Variants in LRRIQ1 observed in about 807,000 individuals in gnomAD.
LRRIQ1 encodes leucine rich repeats and IQ motif containing 1.
A neutral mutation model predicts 211.9 loss-of-function variants in LRRIQ1; 210 were observed. That is an observed-to-expected ratio of 0.99 (90% CI 0.89 to 1.11). LRRIQ1 has a LOEUF of 1.11. Ranked by LOEUF, LRRIQ1 falls within the 50% of genes most tolerant of loss-of-function variation. The pLI is 0.00. For synonymous variants in LRRIQ1, 699 were observed against 650.1 expected (o/e 1.08, Z -1.14); for missense variants, 2,136 against 1,939.5 (o/e 1.10, Z -1.90).
chr12:85,250,900 T>G (rs192484704), intron 1 of LRRIQ1, among the ~76,000 whole-genome samples: 5,321 of 83,522 alleles, frequency 0.064, 1,225 homozygotes, highest in African/African-American at 0.33. Flanking sequence ...ATATTTTATA[T>G]ATTATATATA....
intron 25 of LRRIQ1, among the ~76,000 whole-genome samples, 170 bp from the exon 26 acceptor site, chr12:85,232,526 G>C (rs1894991243): frequency 6.6e-6 from 1 of 152,066 alleles, no homozygotes; most frequent in Non-Finnish European, 1.5e-5. Flanking sequence ...TTTTAAATTA[G>C]AGAAAGATGT....
At chr12:85,069,114 C>T (rs1305570587) in intron 10 of LRRIQ1, among the ~76,000 whole-genome samples, 10 of 145,104 alleles carry the variant, frequency 6.9e-5, no homozygotes, top group African/African-American at 1.8e-4. Flanking sequence ...CAACAGTCCC[C>T]GGTATGTGAT....
At chr12:85,141,872 T>G (rs2136586731) in intron 19 of LRRIQ1, among the ~76,000 whole-genome samples, 1 of 151,434 alleles carries the variant, frequency 6.6e-6, no homozygotes, top group South Asian at 2.1e-4. Flanking sequence ...ATTTTTGTTT[T>G]TCTATTTTTC....
intron 10 of LRRIQ1, among the ~76,000 whole-genome samples, chr12:85,070,266 T>C (rs12814669): frequency 0.22 from 33,315 of 151,904 alleles, 4,330 homozygotes; most frequent in Admixed American, 0.31. Context: ...CTTGAGTGTT[T>C]GGTGTAGCTG....
At chr12:85,242,641 G>A (rs1220996501) in intron 26 of LRRIQ1, among the ~76,000 whole-genome samples, 1 of 151,842 alleles carries the variant, frequency 6.6e-6, no homozygotes, top group African/African-American at 2.4e-5. Context: ...ACTAAGCAGA[G>A]AATGATGTTT....
In LRRIQ1 at chr12:85,189,496, G is replaced by A. The variant is rs573380949; in HGVS notation, c.4822+28782G>A. On this transcript the variant is annotated intron_variant, in intron 24 of 26. Transcript: ENST00000393217. ...ATTTTTTAAGAAAGGAAGTATTGGG[G>A]AATTATGAGAAATCTTGAAAAGCAA... Among the ~76,000 whole-genome samples the A allele has an allele frequency of 2.7e-3, 417 of 151,990 alleles. 3 individuals carry two copies. The highest frequency in any genetic ancestry group is 5.3e-3 in the Admixed American group (80 of 15,202).
intron 11 of LRRIQ1, among the ~76,000 whole-genome samples, chr12:85,095,653 A>G (rs1418720529): frequency 6.6e-6 from 1 of 152,110 alleles, no homozygotes; most frequent in Non-Finnish European, 1.5e-5. Context: ...TGCATCATGC[A>G]TGAGGTATGG....
intron 24 of LRRIQ1, among the ~76,000 whole-genome samples, chr12:85,197,140 A>T (rs1257522179): frequency 1.3e-5 from 2 of 152,312 alleles, no homozygotes; most frequent in African/African-American, 4.8e-5. Context: ...ACCATCTCAC[A>T]CCAGTTTGAA....
At chr12:85,186,793 C>G (rs1892248716) in intron 24 of LRRIQ1, among the ~76,000 whole-genome samples, 2 of 151,582 alleles carry the variant, frequency 1.3e-5, no homozygotes, top group East Asian at 1.9e-4. Context: ...ATACCTTTGC[C>G]TGCCTCAGAG....
intron 11 of LRRIQ1, among the ~76,000 whole-genome samples, chr12:85,077,987 CAA>C (rs113365373): frequency 5.5e-4 from 79 of 144,304 alleles, no homozygotes; most frequent in Admixed American, 6.9e-4. Flanking sequence ...GACCCTGTCT[CAA>C]AAAAAAAAAA....
At chr12:85,152,959 T>G in intron 20 of LRRIQ1, 65 bp from the exon 21 acceptor site, 1 of 1,255,240 alleles carries the variant, frequency 8.0e-7, no homozygotes, top group Non-Finnish European at 1.1e-6. Context: ...GCATGTAAAA[T>G]AATACAACAT....
chr12:85,254,534 CCTTGCTTGCATG>C (rs2137312209), intron 1 of LRRIQ1, among the ~76,000 whole-genome samples: 1 of 152,098 alleles, frequency 6.6e-6, no homozygotes, highest in African/African-American at 2.4e-5. Flanking sequence ...ATTATAATGT[CCTTGCTTGCATG>C]CTTTTTAATA....
Position 85,137,942 on chromosome 12 carries a change from A to G in LRRIQ1, c.4302A>G (p.Ile1434Met). 1.3e-6 allele frequency: 2 copies of G among 1,485,040 alleles called. No homozygotes were observed. Among genetic ancestry groups the G allele is most frequent in the Non-Finnish European group, 1.9e-6 (2 of 1,071,312 alleles). 92.0% of individuals were successfully genotyped at this position (1,485,040 alleles called of 1,614,324 possible). ...AATCCGATGAAGAATACAGAGAAAT[A>G]GATTTAGAGGATTTTATATTTGATG... is the stretch of plus-strand genomic sequence containing the variant. ...NEESDEEYREIDLEDFIFDEA... is the reference protein window; with the variant it reads ...NEESDEEYREMDLEDFIFDEA... Residue 1434 changes from isoleucine to methionine, a missense_variant, in exon 19 of 27, where the codon ATA (isoleucine) becomes ATG (methionine). Transcript: ENST00000393217.
chr12:85,090,631 G>C (rs1367199715), intron 11 of LRRIQ1, among the ~76,000 whole-genome samples: 2 of 152,184 alleles, frequency 1.3e-5, no homozygotes, highest in East Asian at 3.9e-4. Context: ...TCATTTGGCT[G>C]ATTTCTCCCT....
At chr12:85,257,042 A>T (rs1341471362) in intron 1 of LRRIQ1, among the ~76,000 whole-genome samples, 4 of 116,272 alleles carry the variant, frequency 3.4e-5, no homozygotes, top group Non-Finnish European at 6.7e-5. Context: ...TATATATTAT[A>T]TAATTATATA....
chr12:85,115,514 A>G (rs960328594), intron 15 of LRRIQ1, among the ~76,000 whole-genome samples: 3 of 152,222 alleles, frequency 2.0e-5, no homozygotes, highest in Non-Finnish European at 4.4e-5. Context: ...AATCATTTGG[A>G]AACTTTTTAT....
intron 16 of LRRIQ1, among the ~76,000 whole-genome samples, chr12:85,123,121 G>T (rs1888106038): frequency 6.6e-6 from 1 of 151,918 alleles, no homozygotes. Flanking sequence ...ATTAGCCAAT[G>T]AAATGAATGA....
At chr12:85,070,370 C>T (rs1395345383) in intron 10 of LRRIQ1, among the ~76,000 whole-genome samples, 1 of 151,976 alleles carries the variant, frequency 6.6e-6, no homozygotes, top group Non-Finnish European at 1.5e-5. Context: ...ATTAATGCAG[C>T]AGAGGATGTG....
intron 11 of LRRIQ1, among the ~76,000 whole-genome samples, chr12:85,078,663 G>A (rs983693): frequency 0.016 from 2,505 of 151,876 alleles, 67 homozygotes; most frequent in African/African-American, 0.058. Context: ...ATTTTAAAAC[G>A]TCTCTTTTCA....
Sources: allele counts gnomAD v4.1 joint callset (sites outside exome capture counted in the v4.1 genomes callset), GRCh38; gene constraint gnomAD v4.1.1; transcripts MANE v1.5; gene names NCBI Gene and HGNC (gene_info 2026-07-23, HGNC 2026-07-21).